The following SLC5A9 variants were observed in gnomAD, a reference collection of about 807,000 sequenced individuals.
SLC5A9 encodes solute carrier family 5 member 9.
Under a neutral mutation model 70.9 loss-of-function variants are expected in SLC5A9, and 59 were observed. That is an observed-to-expected ratio of 0.83 (90% CI 0.68 to 1.03). SLC5A9 has a LOEUF of 1.03. Among genes scored for constraint, SLC5A9 ranks in the 50% least tolerant of loss-of-function variants. The pLI, the probability that SLC5A9 is intolerant of heterozygous loss-of-function variation, is 0.00. For synonymous variants in SLC5A9, 340 were observed against 346.5 expected, an observed-to-expected ratio of 0.98 and a Z score of 0.21; for missense variants, 832 against 881.1, an observed-to-expected ratio of 0.94 and a Z score of 0.71.
Position 48,233,732 on chromosome 1 carries a change from C to G in SLC5A9, c.1111C>G (p.Pro371Ala), listed in dbSNP as rs553678770. ...ARVGCSNIAY[P>A]KLVMALMPVG... The stretch of plus-strand genomic sequence containing the variant: ...AGTGGGATGTTCCAACATTGCCTAC[C>G]CTAAGTTGGTCATGGCCCTCATGCC... Residue 371 changes from proline (P) to alanine (A), a missense_variant, in exon 9 of 14, where the codon CCT becomes GCT. Coordinates refer to ENST00000438567, the MANE Select transcript of SLC5A9 (RefSeq NM_001011547.3). 18 of 1,613,972 alleles carry G rather than the reference C, an allele frequency of 1.1e-5. No homozygotes were observed. The East Asian group carries it at 3.6e-4, about 32-fold the overall frequency.
At chr1:48,231,442 G>C (rs2148572163) in intron 5 of SLC5A9, 103 bp from the exon 6 acceptor site, 1 of 1,397,512 alleles carries the variant, frequency 7.2e-7, no homozygotes, top group Non-Finnish European at 9.8e-7. Context: ...TAAGAGGGCT[G>C]TGTGTCTTCT....
chr1:48,240,674 C>T lies in SLC5A9; in HGVS notation c.1677+1137C>T, dbSNP rs145165194. Among the ~76,000 whole-genome samples the T allele has an allele frequency of 5.1e-4, 77 of 152,290 alleles. No homozygotes were observed. The East Asian group carries it at 9.1e-3, about 18-fold the overall frequency. ...TCAACCTCTTCTCCATTGCCTGTTTCCTCACTCTTCTTCCCGAAGTCTTCC... is the reference window on the plus strand; with the variant it reads ...TCAACCTCTTCTCCATTGCCTGTTTTCTCACTCTTCTTCCCGAAGTCTTCC... On this transcript the variant is annotated intron_variant, in intron 12 of 13. Coordinates refer to ENST00000438567, the MANE Select transcript of SLC5A9 (RefSeq NM_001011547.3).
chr1:48,243,694 C>A (rs1393959444), intron 13 of SLC5A9, among the ~76,000 whole-genome samples: 1 of 151,696 alleles, frequency 6.6e-6, no homozygotes, highest in African/African-American at 2.4e-5. Flanking sequence ...ATATAACAAA[C>A]CTGCACACGT....
At chr1:48,231,436 A>T in intron 5 of SLC5A9, 109 bp from the exon 6 acceptor site, 1 of 1,333,608 alleles carries the variant, frequency 7.5e-7, no homozygotes. Context: ...CCCTGCTAAG[A>T]GGGCTGTGTG....
rs1644264785 is a variant in SLC5A9, at chr1:48,232,519, C to T, written c.1033+17C>T. On this transcript the variant is annotated intron_variant, in intron 8 of 13. Coordinates refer to ENST00000438567, the MANE Select transcript of SLC5A9 (RefSeq NM_001011547.3). ...TGTTCCCAGGTAAGAACGAGCCTTG[C>T]TCTCTGGGTATTGGGATCTGAGGCT... 1.9e-6 allele frequency: 3 copies of T among 1,613,644 alleles called. No individual in the cohort carries two copies. Among genetic ancestry groups the T allele is most frequent in the Non-Finnish European group, 2.5e-6 (3 of 1,179,762 alleles).
At chr1:48,238,012 T>TATC (rs1557480104) in intron 11 of SLC5A9, among the ~76,000 whole-genome samples, 165 bp downstream of exon 11, 1 of 152,174 alleles carries the variant, frequency 6.6e-6, no homozygotes, top group East Asian at 1.9e-4. Context: ...AACAAACATT[T>TATC]ATCAGCCTTA....
Position 48,229,333 on chromosome 1 carries a change from C to A in SLC5A9, c.378C>A (p.Val126=). ...TCCTGGCCCTTGGCTGGGTCTTCGT[C>A]CCTGTGTACATCGCAGCAGGTGTGG... ...WLLLALGWVF[V]PVYIAAGVVT... Residue 126 remains valine, a synonymous_variant, in exon 4 of 14, where the codon GTC becomes GTA. Transcript: ENST00000438567. The A allele has an allele frequency of 6.2e-7, 1 of 1,614,074 alleles. No individual in the cohort carries two copies. Among genetic ancestry groups the A allele is most frequent in the Non-Finnish European group, 8.5e-7 (1 of 1,179,924 alleles).
intron 4 of SLC5A9, 64 bp downstream of exon 4, chr1:48,229,523 T>A (rs1478307112): frequency 6.3e-7 from 1 of 1,586,990 alleles, no homozygotes; most frequent in African/African-American, 1.3e-5. Context: ...GCTGAGTGCA[T>A]CACCATGTGC....
chr1:48,229,390 TG>T lies in SLC5A9; in HGVS notation c.440del (p.Gly147AlafsTer50). 1 of 1,614,132 alleles carries T rather than the reference TG, an allele frequency of 6.2e-7. No individual in the cohort carries two copies. The highest frequency in any genetic ancestry group is 1.1e-5 in the South Asian group (1 of 91,072). On this transcript the variant is annotated frameshift_variant, in exon 4 of 14. Transcript: ENST00000438567. LOFTEE classifies it high-confidence loss of function. ...TGCCGCAGTATCTGAAGAAGCGATT[TG>T]GGGGCCAGAGGATCCAGGTGTACAT... is the stretch of plus-strand genomic sequence containing the variant. ...TMPQYLKKRF[G>X]GQRIQVYMSV...
chr1:48,246,865 G>A (rs958882470), intron 13 of SLC5A9, among the ~76,000 whole-genome samples: 2 of 152,200 alleles, frequency 1.3e-5, no homozygotes, highest in Non-Finnish European at 2.9e-5. Context: ...TCAGCTAATG[G>A]CAGAGCTGGC....
intron 2 of SLC5A9, among the ~76,000 whole-genome samples, chr1:48,225,213 AGATTTTGGGGGGAAGGT>A (rs1335548990): frequency 6.6e-6 from 1 of 152,210 alleles, no homozygotes; most frequent in Non-Finnish European, 1.5e-5. Flanking sequence ...GGGTTAGGAA[AGATTTTGGGGGGAAGGT>A]GACACATAAG....
chr1:48,226,215 C>G (rs1644144552), intron 2 of SLC5A9, among the ~76,000 whole-genome samples: 1 of 152,110 alleles, frequency 6.6e-6, no homozygotes. Context: ...GCTAGTGCCC[C>G]CCAAATCACA....
At chr1:48,235,949 A>G in intron 10 of SLC5A9, 70 bp downstream of exon 10, 1 of 1,585,558 alleles carries the variant, frequency 6.3e-7, no homozygotes, top group Non-Finnish European at 8.6e-7. Context: ...GTTACCCTGA[A>G]CAGAGGTGGC....
chr1:48,225,478 A>G (rs1644131121), intron 2 of SLC5A9, among the ~76,000 whole-genome samples: 1 of 152,094 alleles, frequency 6.6e-6, no homozygotes, highest in African/African-American at 2.4e-5. Flanking sequence ...TTGGTCCTCA[A>G]AATTAACTTC....
chr1:48,243,202 C>T (rs893282599), intron 13 of SLC5A9, among the ~76,000 whole-genome samples: 2 of 152,072 alleles, frequency 1.3e-5, no homozygotes, highest in Non-Finnish European at 2.9e-5. Context: ...TTTATCTCCC[C>T]CTGGGCTCAA....
chr1:48,247,652 T>A lies in SLC5A9; in HGVS notation c.*109T>A. On this transcript the variant is annotated 3_prime_UTR_variant, in exon 14 of 14. Transcript: ENST00000438567. ...CTGTCTAAACTGGAGATCACAGAAG[T>A]CAAGACTGCAAGCTCCCCTGAAGAG... 1.8e-6 allele frequency: 2 copies of A among 1,097,426 alleles called. No individual in the cohort carries two copies. The highest frequency in any genetic ancestry group is 2.7e-6 in the Non-Finnish European group (2 of 729,112). The allele number at this position is 1,097,426 out of a possible 1,614,324, so 68.0% of individuals were successfully genotyped here. A position where few individuals can be genotyped will look rare whatever the true frequency, so the allele number is the denominator to read the frequency against.
At chr1:48,229,161 C>T in intron 3 of SLC5A9, 134 bp from the exon 4 acceptor site, 1 of 1,613,970 alleles carries the variant, frequency 6.2e-7, no homozygotes, top group East Asian at 2.2e-5. Context: ...CACGGGAGGA[C>T]TGGGGTCAGG....
intron 1 of SLC5A9, 44 bp downstream of exon 1, chr1:48,222,942 G>A: frequency 6.2e-7 from 1 of 1,604,850 alleles, no homozygotes; most frequent in Non-Finnish European, 8.5e-7. Context: ...AGGTAGTAGT[G>A]GTCTCTCAGC....
chr1:48,238,757 C>T (rs1408611507), intron 11 of SLC5A9, among the ~76,000 whole-genome samples: 3 of 152,156 alleles, frequency 2.0e-5, no homozygotes, highest in Non-Finnish European at 4.4e-5. Context: ...GGATCAGTAT[C>T]TCCCATACTC....
Sources: allele counts gnomAD v4.1 joint callset (sites outside exome capture counted in the v4.1 genomes callset), GRCh38; gene constraint gnomAD v4.1.1; transcripts MANE v1.5; gene names NCBI Gene and HGNC (gene_info 2026-07-23, HGNC 2026-07-21).